PDE10A: variants seen among roughly 807,000 people sequenced by gnomAD.
PDE10A encodes phosphodiesterase 10A, also known as cAMP and cAMP-inhibited cGMP 3',5'-cyclic phosphodiesterase 10A.
PDE10A carries 39 observed loss-of-function variants against 97.7 expected under a neutral mutation model. The ratio of observed to expected loss-of-function variants is 0.40; its 90% CI spans 0.31 to 0.52. PDE10A has a LOEUF of 0.52. Among genes scored for constraint, PDE10A ranks in the 20% least tolerant of loss-of-function variants. PDE10A has a pLI of 0.56. For missense variants in PDE10A, 731 were observed against 1,047.8 expected (o/e 0.70, Z 4.17); for synonymous variants, 371 against 376.8 (o/e 0.98, Z 0.18).
At chr6:165,845,264 T>G (rs924299978) in intron 1 of PDE10A, among the ~76,000 whole-genome samples, 5 of 152,186 alleles carry the variant, frequency 3.3e-5, no homozygotes, top group Non-Finnish European at 5.9e-5. Context: ...AGTCACAGAT[T>G]TAAAATTCAT....
At chr6:165,751,141 A>T (rs921231719) in intron 1 of PDE10A, among the ~76,000 whole-genome samples, 4 of 152,122 alleles carry the variant, frequency 2.6e-5, no homozygotes, top group Non-Finnish European at 5.9e-5. Context: ...ACGCTCACTG[A>T]CGTCACATTT....
At chr6:165,557,783 T>C (rs1420153444) in intron 1 of PDE10A, among the ~76,000 whole-genome samples, 1 of 152,200 alleles carries the variant, frequency 6.6e-6, no homozygotes, top group African/African-American at 2.4e-5. Flanking sequence ...AGTCTGACTA[T>C]GAGTCAGGCA....
intron 1 of PDE10A, among the ~76,000 whole-genome samples, chr6:165,911,782 C>A (rs1211764715): frequency 6.6e-6 from 1 of 152,224 alleles, no homozygotes; most frequent in Non-Finnish European, 1.5e-5. Flanking sequence ...GGGACTGAAG[C>A]ACCTGCAAAC....
At chr6:165,749,134 G>C (rs558355415) in intron 1 of PDE10A, among the ~76,000 whole-genome samples, 4 of 39,838 alleles carry the variant, frequency 1.0e-4, no homozygotes, top group Non-Finnish European at 1.8e-4. Flanking sequence ...CACATACAAA[G>C]TACTTAAATA....
intron 1 of PDE10A, among the ~76,000 whole-genome samples, chr6:165,846,082 G>C (rs946103322): frequency 6.6e-6 from 1 of 152,202 alleles, no homozygotes; most frequent in African/African-American, 2.4e-5. Context: ...ATCAATTTTT[G>C]TCATCTTTTT....
At chr6:165,481,439 C>T (rs1253109590) in intron 3 of PDE10A, among the ~76,000 whole-genome samples, 6 of 152,010 alleles carry the variant, frequency 3.9e-5, no homozygotes, top group Non-Finnish European at 8.8e-5. Context: ...TGGCCCAGGT[C>T]ATTTTAGAGA....
At chr6:165,451,913 T>A (rs1418074299) in intron 3 of PDE10A, among the ~76,000 whole-genome samples, 1 of 152,208 alleles carries the variant, frequency 6.6e-6, no homozygotes, top group Non-Finnish European at 1.5e-5. Flanking sequence ...TAGTGCTAGG[T>A]TGGCTGAAAT....
intron 1 of PDE10A, among the ~76,000 whole-genome samples, chr6:165,899,708 G>A (rs1448687109): frequency 1.3e-5 from 2 of 152,206 alleles, no homozygotes; most frequent in African/African-American, 4.8e-5. Context: ...ACCCGAAGCT[G>A]TGTGCGCTGG....
chr6:165,941,328 C>T (rs1783510578), intron 1 of PDE10A, among the ~76,000 whole-genome samples: 1 of 152,126 alleles, frequency 6.6e-6, no homozygotes, highest in Non-Finnish European at 1.5e-5. Context: ...CAATAAAAAT[C>T]TGTTTCTGTG....
At chr6:165,506,128 G>T (rs917248353) in intron 2 of PDE10A, among the ~76,000 whole-genome samples, 10 of 151,680 alleles carry the variant, frequency 6.6e-5, no homozygotes, top group African/African-American at 2.4e-4. Flanking sequence ...ACTTTTGTTG[G>T]TTTTTTTCCC....
At chr6:165,958,712 G>GAAA (rs763802203) in intron 1 of PDE10A, among the ~76,000 whole-genome samples, 1 of 115,646 alleles carries the variant, frequency 8.6e-6, no homozygotes, top group Non-Finnish European at 1.7e-5. Flanking sequence ...AAGAAAGAAA[G>GAAA]AGAGAAGAAA....
chr6:165,881,747 T>C (rs1272049920), intron 1 of PDE10A, among the ~76,000 whole-genome samples: 1 of 151,988 alleles, frequency 6.6e-6, no homozygotes, highest in Non-Finnish European at 1.5e-5. Context: ...TTTGACTAAA[T>C]ACACAGAGTG....
intron 1 of PDE10A, among the ~76,000 whole-genome samples, chr6:165,944,192 C>G (rs186128574): frequency 5.6e-4 from 85 of 152,292 alleles, no homozygotes; most frequent in African/African-American, 2.0e-3. Context: ...TTGGGAGAAC[C>G]GCATGAAGGT....
chr6:165,701,737 G>C (rs1025826704), intron 1 of PDE10A, among the ~76,000 whole-genome samples: 10 of 151,568 alleles, frequency 6.6e-5, no homozygotes, highest in Middle Eastern at 3.4e-3. Context: ...GTGTGCATGT[G>C]TGTGTGCATG....
chr6:165,921,722 G>A (rs188652469), intron 1 of PDE10A, among the ~76,000 whole-genome samples: 1 of 152,202 alleles, frequency 6.6e-6, no homozygotes, highest in Non-Finnish European at 1.5e-5. Flanking sequence ...TCCAGCATGA[G>A]CATGGAAACC....
chr6:165,672,552 C>T (rs1488460849), intron 1 of PDE10A, among the ~76,000 whole-genome samples: 1 of 152,188 alleles, frequency 6.6e-6, no homozygotes, highest in Non-Finnish European at 1.5e-5. Context: ...TCCCATAATT[C>T]CCTCATGTTG....
chr6:165,540,128 T>G (rs9356368), intron 2 of PDE10A, among the ~76,000 whole-genome samples: 1 of 151,956 alleles, frequency 6.6e-6, no homozygotes, highest in African/African-American at 2.4e-5. Flanking sequence ...GAATACAAAA[T>G]TTACTATGAT....
chr6:165,654,686 C>T (rs901665164), intron 1 of PDE10A, among the ~76,000 whole-genome samples: 83 of 152,282 alleles, frequency 5.5e-4, no homozygotes, highest in African/African-American at 1.9e-3. Context: ...CATCTACCTG[C>T]CCACAGCTGA....
At chr6:165,400,464 T>C (rs1786561663) in intron 13 of PDE10A, among the ~76,000 whole-genome samples, 1 of 151,950 alleles carries the variant, frequency 6.6e-6, no homozygotes, top group Non-Finnish European at 1.5e-5. Context: ...ATGACCTGTA[T>C]CCAGAATATA....
Sources: gnomAD v4.1 joint callset for allele counts (sites outside exome capture counted in the v4.1 genomes callset) on GRCh38, gnomAD v4.1.1 for gene constraint, MANE v1.5 for transcripts, NCBI Gene and HGNC (gene_info 2026-07-23, HGNC 2026-07-21) for gene names.